Variants in MPPED2 observed in about 807,000 individuals in gnomAD.
MPPED2 encodes metallophosphoesterase MPPED2.
MPPED2 carries 5 observed loss-of-function variants against 33.0 expected under a neutral mutation model. That is an observed-to-expected ratio of 0.15 (90% CI 0.08 to 0.32). The LOEUF is 0.32. MPPED2 is among the 10% of genes least tolerant of loss of function. The probability of loss-of-function intolerance (pLI) is 1.00; values close to 1 mark genes in which losing one functional copy is unlikely to be tolerated. For synonymous variants in MPPED2, 136 were observed against 141.9 expected (o/e 0.96, Z 0.29); for missense variants, 275 against 372.1 (o/e 0.74, Z 2.15).
intron 6 of MPPED2, among the ~76,000 whole-genome samples, chr11:30,403,987 G>A (rs1404685363): frequency 6.6e-6 from 1 of 152,140 alleles, no homozygotes; most frequent in Non-Finnish European, 1.5e-5. Flanking sequence ...CTCATTGCTT[G>A]TTCAAATGCC....
rs750845558 is a variant in MPPED2, at chr11:30,501,977, C to T, written c.311-6456G>A. 7.2e-5 allele frequency among the ~76,000 whole-genome samples: 11 copies of T among 152,130 alleles called. 1 individual carries two copies. Among genetic ancestry groups the T allele is most frequent in the South Asian group, 4.1e-4 (2 of 4,826 alleles). On this transcript the variant is annotated intron_variant, in intron 3 of 6. Coordinates refer to ENST00000358117, the MANE Select transcript of MPPED2 (RefSeq NM_001584.3). Reference sequence around the variant, plus strand: ...AGGGATGGAGAAGGGCAGAGGGGAACGACCTTCTCTGAGGTTCACCAGAGC... The same window carrying T: ...AGGGATGGAGAAGGGCAGAGGGGAATGACCTTCTCTGAGGTTCACCAGAGC...
At chr11:30,393,354 A>G (rs1230641740) in intron 6 of MPPED2, among the ~76,000 whole-genome samples, 1 of 152,076 alleles carries the variant, frequency 6.6e-6, no homozygotes, top group Non-Finnish European at 1.5e-5. Context: ...CTTTGGCTTT[A>G]TCATCCAGGC....
At chr11:30,478,787 C>A (rs1173428618) in intron 4 of MPPED2, among the ~76,000 whole-genome samples, 1 of 152,074 alleles carries the variant, frequency 6.6e-6, no homozygotes, top group Non-Finnish European at 1.5e-5. Flanking sequence ...ATGTCTTAGA[C>A]ACGTGGTTAA....
At chr11:30,446,547 T>G (rs1949817645) in intron 4 of MPPED2, among the ~76,000 whole-genome samples, 1 of 152,150 alleles carries the variant, frequency 6.6e-6, no homozygotes, top group Admixed American at 6.5e-5. Flanking sequence ...TGTCCATGTG[T>G]GTTCGCTTGC....
chr11:30,417,679 G>T (rs1229716491), intron 4 of MPPED2, 46 bp from the exon 5 acceptor site: 5 of 1,057,784 alleles, frequency 4.7e-6, no homozygotes, highest in Non-Finnish European at 5.9e-6. Flanking sequence ...CAGAGCCACG[G>T]CTCCGCTCTG....
Position 30,417,498 on chromosome 11 carries a change from A to G in MPPED2, c.652+20T>C. 2 of 1,440,208 alleles carry G rather than the reference A, an allele frequency of 1.4e-6. No homozygotes were observed. Among genetic ancestry groups the G allele is most frequent in the Non-Finnish European group, 2.0e-6 (2 of 1,023,080 alleles). The allele number at this position is 1,440,208 out of a possible 1,614,324, so 89.2% of individuals were successfully genotyped here. On this transcript the variant is annotated intron_variant, in intron 5 of 6. Coordinates refer to ENST00000358117, the MANE Select transcript of MPPED2 (RefSeq NM_001584.3). ...AAAAAAGGCATCTGGATGACAAAGG[A>G]CAACCTTTGCTTCACTTACCTAGAG...
rs193228942 is a variant in MPPED2, at chr11:30,410,544, C to T, written c.*924G>A. The T allele has an allele frequency of 5.1e-6, 5 of 985,680 alleles. No individual in the cohort carries two copies. The East Asian group carries it at 4.5e-4, about 90-fold the overall frequency. The allele number at this position is 985,680 out of a possible 1,614,324, so 61.1% of individuals were successfully genotyped here. On this transcript the variant is annotated 3_prime_UTR_variant, in exon 7 of 7. Transcript: ENST00000358117. ...TGCATCCATTTAAGTCTATACATGC[C>T]TGTAACTGTACCTAGATTTAACTCA...
At chr11:30,408,685 A>G (rs1020168478), downstream of MPPED2, among the ~76,000 whole-genome samples, 3 of 152,168 alleles carry the variant, frequency 2.0e-5, no homozygotes, top group Non-Finnish European at 4.4e-5. Flanking sequence ...TGGGCTATGG[A>G]CAGATCTGCT....
intron 6 of MPPED2, among the ~76,000 whole-genome samples, chr11:30,393,925 CCT>C (rs1263461594): frequency 1.3e-5 from 2 of 152,266 alleles, no homozygotes; most frequent in East Asian, 3.9e-4. Flanking sequence ...CAAAAACTCC[CCT>C]GTGCTGCTCT....
intron 2 of MPPED2, among the ~76,000 whole-genome samples, chr11:30,556,490 T>C (rs1009068509): frequency 3.3e-5 from 5 of 152,340 alleles, no homozygotes; most frequent in African/African-American, 1.2e-4. Context: ...CATGGTTTTA[T>C]CATGAACATT....
intron 2 of MPPED2, among the ~76,000 whole-genome samples, chr11:30,570,048 A>G (rs1956623218): frequency 6.6e-6 from 1 of 152,050 alleles, no homozygotes; most frequent in Non-Finnish European, 1.5e-5. Context: ...CCTCTATAAA[A>G]TTCATCTTCC....
At chr11:30,525,485 C>T (rs187163673) in intron 3 of MPPED2, among the ~76,000 whole-genome samples, 5 of 152,074 alleles carry the variant, frequency 3.3e-5, no homozygotes, top group African/African-American at 2.4e-5. Context: ...AAAGTGCTTT[C>T]CTGGCTTTTC....
At chr11:30,545,337 G>A (rs1955355906) in intron 2 of MPPED2, among the ~76,000 whole-genome samples, 1 of 152,144 alleles carries the variant, frequency 6.6e-6, no homozygotes, top group African/African-American at 2.4e-5. Flanking sequence ...ACAAAGGAGA[G>A]AATGTGAAGG....
At chr11:30,447,212 T>C (rs1321136507) in intron 4 of MPPED2, among the ~76,000 whole-genome samples, 1 of 152,150 alleles carries the variant, frequency 6.6e-6, no homozygotes, top group East Asian at 1.9e-4. Context: ...CCAAAAGCCA[T>C]CCTAGGCTGC....
At chr11:30,542,181 C>A (rs754235211) in intron 2 of MPPED2, among the ~76,000 whole-genome samples, 31 of 152,302 alleles carry the variant, frequency 2.0e-4, no homozygotes, top group Non-Finnish European at 3.5e-4. Context: ...GCCTTACTCA[C>A]TTGTACTAGT....
At chr11:30,414,458 T>A in intron 5 of MPPED2, 117 bp from the exon 6 acceptor site, 1 of 620,444 alleles carries the variant, frequency 1.6e-6, no homozygotes, top group Non-Finnish European at 2.9e-6. Flanking sequence ...AATCCTAGCC[T>A]CTCCATTAAA....
chr11:30,535,838 T>G (rs1432426047), intron 3 of MPPED2, among the ~76,000 whole-genome samples, 156 bp downstream of exon 3: 2 of 152,138 alleles, frequency 1.3e-5, no homozygotes, highest in Non-Finnish European at 2.9e-5. Context: ...AAATTCATCT[T>G]TAATTAACAG....
chr11:30,474,358 G>T (rs1443754531), intron 4 of MPPED2, among the ~76,000 whole-genome samples: 1 of 152,130 alleles, frequency 6.6e-6, no homozygotes, highest in Non-Finnish European at 1.5e-5. Context: ...TACCTCATGT[G>T]TTTATCTTTG....
intron 4 of MPPED2, among the ~76,000 whole-genome samples, chr11:30,422,381 A>T (rs577973473): frequency 6.6e-6 from 1 of 152,336 alleles, no homozygotes; most frequent in East Asian, 1.9e-4. Context: ...TGTGCAGATT[A>T]TCCATGTTCT....
Sources: gnomAD v4.1 joint callset for allele counts (sites outside exome capture counted in the v4.1 genomes callset) on GRCh38, gnomAD v4.1.1 for gene constraint, MANE v1.5 for transcripts, NCBI Gene and HGNC (gene_info 2026-07-23, HGNC 2026-07-21) for gene names.